LRWD1: variants seen among roughly 807,000 people sequenced by gnomAD.
The protein encoded by LRWD1 is leucine-rich repeat and WD repeat-containing protein 1.
In LRWD1, 76 loss-of-function variants were observed where a neutral mutation model predicts 75.6. The ratio of observed to expected loss-of-function variants is 1.01; its 90% CI spans 0.84 to 1.22. The LOEUF (loss-of-function observed/expected upper bound fraction) is 1.22, where lower values mean the gene tolerates loss of function less well. Ranked by LOEUF, LRWD1 falls within the 50% of genes most tolerant of loss-of-function variation. The pLI is 0.00. For missense variants in LRWD1, 917 were observed against 862.0 expected, an observed-to-expected ratio of 1.06 and a Z score of -0.80; for synonymous variants, 487 against 377.0, an observed-to-expected ratio of 1.29 and a Z score of -3.38.
In LRWD1 at chr7:102,472,488, G is replaced by A. The variant is rs925044230; in HGVS notation, c.1569G>A (p.Leu523=). ...SKGSGLGTIC[L]WSWRQTWGGR... Reference sequence around the variant, plus strand: ...GGAGCGGCCTGGGCACCATCTGCCTGTGGAGCTGGAGGCAGACGTGGGGGG... The same window carrying A: ...GGAGCGGCCTGGGCACCATCTGCCTATGGAGCTGGAGGCAGACGTGGGGGG... The change falls in exon 13 of 15, where the codon CTG becomes CTA. Residue 523 remains leucine, a synonymous_variant. Transcript: ENST00000292616. 27 of 1,543,938 alleles carry A rather than the reference G, an allele frequency of 1.7e-5. No homozygotes were observed. Among genetic ancestry groups the A allele is most frequent in the Non-Finnish European group, 2.2e-5 (25 of 1,143,946 alleles).
chr7:102,466,066 C>G lies in LRWD1; in HGVS notation c.315+15C>G. On this transcript the variant is annotated intron_variant, in intron 2 of 14. Coordinates refer to ENST00000292616, the MANE Select transcript of LRWD1 (RefSeq NM_152892.3). ...CCTTCCTGACGGTAAGTGGGAGCCT[C>G]CCACCAGCTTCATACCTGGGGCCAG... 1 of 1,613,864 alleles carries G rather than the reference C, an allele frequency of 6.2e-7. No homozygotes were observed. The highest frequency in any genetic ancestry group is 8.5e-7 in the Non-Finnish European group (1 of 1,179,786).
intron 6 of LRWD1, 31 bp downstream of exon 6, chr7:102,468,218 G>GA (rs1798072446): frequency 6.2e-7 from 1 of 1,602,908 alleles, no homozygotes; most frequent in Non-Finnish European, 8.5e-7. Flanking sequence ...GCAGGTGGCA[G>GA]ATGAGTCGGG....
chr7:102,469,505 G>A, intron 9 of LRWD1, 69 bp from the exon 10 acceptor site: 1 of 1,579,016 alleles, frequency 6.3e-7, no homozygotes, highest in South Asian at 1.1e-5. Flanking sequence ...GCTCAGCCTG[G>A]GATGCAGCCA....
At chr7:102,471,496 CTT>C (rs1356797440) in intron 11 of LRWD1, 1 of 154,684 alleles carries the variant, frequency 6.5e-6, no homozygotes, top group African/African-American at 2.4e-5. Flanking sequence ...ATGGGCTTCT[CTT>C]TCTCACCAGC....
In LRWD1 at chr7:102,465,006, G is replaced by A; in HGVS notation, c.-75G>A. 2 of 1,368,662 alleles carry A rather than the reference G, an allele frequency of 1.5e-6. No individual in the cohort carries two copies. Among genetic ancestry groups the A allele is most frequent in the South Asian group, 1.6e-5 (1 of 60,816 alleles). 84.8% of individuals were successfully genotyped at this position (1,368,662 alleles called of 1,614,324 possible). On this transcript the variant is annotated 5_prime_UTR_variant, in exon 1 of 15. Transcript: ENST00000292616. ...CTCAGTTACCGCGGACGCCAGTGCCGGGCTCCAGGAGACGCAGGGCGACGC... is the reference window on the plus strand; with the variant it reads ...CTCAGTTACCGCGGACGCCAGTGCCAGGCTCCAGGAGACGCAGGGCGACGC...
rs117004797 is a variant in LRWD1, at chr7:102,473,107, C to T, written c.*58C>T. On this transcript the variant is annotated 3_prime_UTR_variant, in exon 15 of 15. Coordinates refer to ENST00000292616, the MANE Select transcript of LRWD1 (RefSeq NM_152892.3). ...CTAACTAACTTATTCAGCTTTGGGC[C>T]GATGGGGGTGGGGGGGGGTCTTTCA... The T allele has an allele frequency of 0.034, 49,353 of 1,444,646 alleles. 987 individuals carry two copies. The highest frequency in any genetic ancestry group is 0.039 in the Non-Finnish European group (41,689 of 1,074,326). The allele number at this position is 1,444,646 out of a possible 1,614,324, so 89.5% of individuals were successfully genotyped here.
chr7:102,466,038 A>G lies in LRWD1; in HGVS notation c.302A>G (p.Asn101Ser). The change falls in exon 2 of 15, where the codon AAC (asparagine) becomes AGC (serine). Residue 101 changes from asparagine (N) to serine (S), a missense_variant. Physicochemically the swap from Asn to Ser is conservative, Grantham distance 46 (BLOSUM62 1). Coordinates refer to ENST00000292616, the MANE Select transcript of LRWD1 (RefSeq NM_152892.3). ...CTCGAGGAACTCAGCCTGGAGGGCAACCCCTTCCTGACGGTAAGTGGGAGC... is the reference window on the plus strand; with the variant it reads ...CTCGAGGAACTCAGCCTGGAGGGCAGCCCCTTCCTGACGGTAAGTGGGAGC... ...PKLEELSLEG[N>S]PFLTVNDNLK... 6.2e-7 allele frequency: 1 copy of G among 1,613,908 alleles called. No individual in the cohort carries two copies. The highest frequency in any genetic ancestry group is 8.5e-7 in the Non-Finnish European group (1 of 1,179,976).
At chr7:102,465,585 G>A in intron 1 of LRWD1, 1 of 511,376 alleles carries the variant, frequency 2.0e-6, no homozygotes, top group Non-Finnish European at 3.5e-6. Flanking sequence ...TACTCGAGAG[G>A]CTGAGGCGGG....
intron 13 of LRWD1, 30 bp downstream of exon 13, chr7:102,472,639 C>T (rs780305769): frequency 2.0e-5 from 32 of 1,610,032 alleles, no homozygotes; most frequent in East Asian, 4.5e-5. Context: ...CGCCCCATCC[C>T]GCGGGCTTCC....
rs767096276 is a variant in LRWD1, at chr7:102,472,708, CTG to C, written c.1710_1711del (p.Cys570TrpfsTer3). 10 of 1,613,566 alleles carry C rather than the reference CTG, an allele frequency of 6.2e-6. No homozygotes were observed. Among genetic ancestry groups the C allele is most frequent in the Non-Finnish European group, 3.4e-6 (4 of 1,179,938 alleles). ...SACPDKGIVL[C>X]GDEEGNVWLY... Reference sequence around the variant, plus strand: ...TCCCGGCAGATAAGGGGATTGTGCTCTGTGGGGATGAGGAGGGCAACGTGTGG... The same window carrying C: ...TCCCGGCAGATAAGGGGATTGTGCTCTGGGGATGAGGAGGGCAACGTGTGG... On this transcript the variant is annotated frameshift_variant, in exon 14 of 15. Transcript: ENST00000292616. LOFTEE classifies it high-confidence loss of function.
rs1410820730 is a variant in LRWD1 at position 102,467,181 on chromosome 7, T to G, written c.433-158T>G. 1.4e-5 allele frequency among the ~76,000 whole-genome samples: 2 copies of G among 141,972 alleles called. 1 individual carries two copies. Among genetic ancestry groups the G allele is most frequent in the Non-Finnish European group, 3.0e-5 (2 of 65,900 alleles). 93.1% of individuals were successfully genotyped at this position (141,972 alleles called of 152,430 possible). The stretch of plus-strand genomic sequence containing the variant: ...CTGGGGTGTGTGTGGGGTGTGTGTG[T>G]GTGTGTGTGTGTGTGTGTGTGTGTG... On this transcript the variant is annotated intron_variant, in intron 3 of 14. Coordinates refer to ENST00000292616, the MANE Select transcript of LRWD1 (RefSeq NM_152892.3).
rs1798257333 is a variant in LRWD1 at position 102,472,889 on chromosome 7, C to G, written c.1804-20C>G. 1.2e-6 allele frequency: 2 copies of G among 1,612,470 alleles called. No homozygotes were observed. The highest frequency in any genetic ancestry group is 2.2e-5 in the South Asian group (2 of 91,042). On this transcript the variant is annotated intron_variant, in intron 14 of 14. Transcript: ENST00000292616. Reference sequence around the variant, plus strand: ...TGGTCAGCAGGAGCCCAGCCCAGCCCTCCCCTCTCTCCCCACCAGATCCTG... The same window carrying G: ...TGGTCAGCAGGAGCCCAGCCCAGCCGTCCCCTCTCTCCCCACCAGATCCTG...
rs201620927 is a variant in LRWD1, at chr7:102,473,083, T to C, written c.*34T>C. The stretch of plus-strand genomic sequence containing the variant: ...CATCGCAAAGGACCAGGGACACAGC[T>C]AACTAACTTATTCAGCTTTGGGCCG... On this transcript the variant is annotated 3_prime_UTR_variant, in exon 15 of 15. Coordinates refer to ENST00000292616, the MANE Select transcript of LRWD1 (RefSeq NM_152892.3). 393 of 1,533,312 alleles carry C rather than the reference T, an allele frequency of 2.6e-4. 3 individuals are homozygous for C. The East Asian group carries it at 9.7e-3, about 38-fold the overall frequency. The allele number at this position is 1,533,312 out of a possible 1,614,324, so 95.0% of individuals were successfully genotyped here.
intron 7 of LRWD1, 74 bp downstream of exon 7, chr7:102,468,451 CAG>C (rs1798081989): frequency 1.3e-6 from 2 of 1,539,792 alleles, no homozygotes; most frequent in East Asian, 2.4e-5. Flanking sequence ...GATCAGGAGA[CAG>C]AGCTTAAAAG....
rs375880282 is a variant in LRWD1 at position 102,468,331 on chromosome 7, C to T, written c.873C>T (p.Leu291=). The T allele has an allele frequency of 3.5e-5, 56 of 1,612,238 alleles. 1 individual carries two copies. Among genetic ancestry groups the T allele is most frequent in the South Asian group, 9.9e-5 (9 of 90,684 alleles). Residue 291 remains leucine (L), a synonymous_variant, in exon 7 of 15, where the codon CTC becomes CTT. Coordinates refer to ENST00000292616, the MANE Select transcript of LRWD1 (RefSeq NM_152892.3). ...GCAAGAACAACAGCCCCCAGGACCTCGAGACCCAGCTGTGGGCCTGTGCCT... is the reference window on the plus strand; with the variant it reads ...GCAAGAACAACAGCCCCCAGGACCTTGAGACCCAGCTGTGGGCCTGTGCCT... ...CHSKNNSPQD[L]ETQLWACAFE...
rs1447140525 is a variant in LRWD1, at chr7:102,469,602, C to A, written c.1257C>A (p.Leu419=). 1 of 1,614,086 alleles carries A rather than the reference C, an allele frequency of 6.2e-7. No homozygotes were observed. The highest frequency in any genetic ancestry group is 2.2e-5 in the East Asian group (1 of 44,902). The stretch of plus-strand genomic sequence containing the variant: ...CCTCCTATGACAAGCGGATCATCCT[C>A]TGGGACATCGGGGTGCCCAACCAGG... The part of the protein sequence containing the change: ...FTASYDKRII[L]WDIGVPNQDY... The change falls in exon 10 of 15, where the codon CTC becomes CTA. Residue 419 remains leucine, a synonymous_variant. Transcript: ENST00000292616.
chr7:102,468,800 C>A, intron 8 of LRWD1, 55 bp from the exon 9 acceptor site: 16 of 1,587,344 alleles, frequency 1.0e-5, no homozygotes, highest in Non-Finnish European at 1.4e-5. Context: ...GGGCTACCCG[C>A]GTGTTCACAC....
Position 102,466,760 on chromosome 7 carries a change from CTTTTTTTTTTTTTTTTTTTTTTTT to C in LRWD1, c.432+504_432+527del, listed in dbSNP as rs71106685. Among the ~76,000 whole-genome samples the C allele has an allele frequency of 1.1e-3, 56 of 53,074 alleles. 1 individual carries two copies. Among genetic ancestry groups the C allele is most frequent in the East Asian group, 6.6e-3 (12 of 1,820 alleles). 34.8% of individuals were successfully genotyped at this position (53,074 alleles called of 152,430 possible). On this transcript the variant is annotated intron_variant, in intron 3 of 14. Transcript: ENST00000292616. ...TTTTTCTGGGGTGTTTCTTTTTTAC[CTTTTTTTTTTTTTTTTTTTTTTTT>C]TTTTTTTTTTTTTAGAGACAGGGTC... is the stretch of plus-strand genomic sequence containing the variant.
chr7:102,473,154 T>C lies in LRWD1; in HGVS notation c.*105T>C. 1 of 1,282,892 alleles carries C rather than the reference T, an allele frequency of 7.8e-7. No homozygotes were observed. The highest frequency in any genetic ancestry group is 1.1e-6 in the Non-Finnish European group (1 of 933,260). 79.5% of individuals were successfully genotyped at this position (1,282,892 alleles called of 1,614,324 possible). On this transcript the variant is annotated 3_prime_UTR_variant, in exon 15 of 15. Transcript: ENST00000292616. ...TTCAGTGAATATTTTTATTAAACTC[T>C]ACTGTGGACAAGAAGCCTGTGGAAA...
Sources: allele counts gnomAD v4.1 joint callset (sites outside exome capture counted in the v4.1 genomes callset), GRCh38; gene constraint gnomAD v4.1.1; transcripts MANE v1.5; gene names NCBI Gene and HGNC (gene_info 2026-07-23, HGNC 2026-07-21).